The following SLC8A2 variants were observed in gnomAD, a reference collection of about 807,000 sequenced individuals.
SLC8A2 encodes sodium/calcium exchanger 2.
Under a neutral mutation model 70.2 loss-of-function variants are expected in SLC8A2, and 14 were observed. The observed-to-expected ratio is 0.20, with a 90% confidence interval of 0.13 to 0.31. The LOEUF (loss-of-function observed/expected upper bound fraction) is 0.31. Ranked by LOEUF, SLC8A2 falls within the 10% of genes least tolerant of loss-of-function variation. The pLI, the probability that SLC8A2 is intolerant of heterozygous loss-of-function variation, is 1.00. For synonymous variants in SLC8A2, 575 were observed against 594.3 expected, an observed-to-expected ratio of 0.97 and a Z score of 0.47; for missense variants, 779 against 1,320.1, an observed-to-expected ratio of 0.59 and a Z score of 6.35.
intron 4 of SLC8A2, among the ~76,000 whole-genome samples, chr19:47,443,315 A>G (rs904546416): frequency 3.3e-5 from 5 of 152,176 alleles, no homozygotes; most frequent in Admixed American, 1.3e-4. Context: ...AAACAGCCAG[A>G]AGTTACCTGT....
chr19:47,438,711 A>G (rs114966286), intron 6 of SLC8A2, among the ~76,000 whole-genome samples: 284 of 152,240 alleles, frequency 1.9e-3, no homozygotes, highest in African/African-American at 6.5e-3. Context: ...CCCAACCCTC[A>G]GCCCTGGATC....
rs751102582 is a variant in SLC8A2, at chr19:47,466,251, C to G, written c.153G>C (p.Pro51=). The change falls in exon 2 of 10, where the codon CCG becomes CCC. Residue 51 remains proline (P), a synonymous_variant. Coordinates refer to ENST00000236877, the MANE Select transcript of SLC8A2 (RefSeq NM_015063.3). The surrounding 1 kb of genome is among the most constrained non-coding windows in gnomAD (Gnocchi z 6.9). ...GCTCCCACACGGGCAGCAGCACCCC[C>G]GGCTGGCAGCGGTAGGACCCCTGGC... The part of the protein sequence containing the change: ...GGCQGSYRCQ[P]GVLLPVWEPD... 1.9e-6 allele frequency: 3 copies of G among 1,593,434 alleles called. 1 individual carries two copies. In the South Asian group the frequency reaches 3.4e-5, roughly 18 times the overall value.
In SLC8A2 at chr19:47,447,556, G is replaced by T; in HGVS notation, c.1763+253C>A. The T allele has an allele frequency of 2.1e-6, 1 of 471,964 alleles. No individual in the cohort carries two copies. Among genetic ancestry groups the T allele is most frequent in the Non-Finnish European group, 3.7e-6 (1 of 267,168 alleles). 29.2% of individuals were successfully genotyped at this position (471,964 alleles called of 1,614,324 possible). A position where few individuals can be genotyped will look rare whatever the true frequency, so the allele number is the denominator to read the frequency against. The stretch of plus-strand genomic sequence containing the variant: ...CCCTCCCGAGGCCAAGCCCACTTTG[G>T]AGAACGATTCACTCAGGCCCCTCTC... On this transcript the variant is annotated intron_variant, in intron 4 of 9. Transcript: ENST00000236877. This position sits in a 1 kb window ranked among gnomAD's most constrained non-coding sequence, Gnocchi z 5.1.
rs753042183 is a variant in SLC8A2 at position 47,447,861 on chromosome 19, C to T, written c.1711G>A (p.Val571Met). 9 of 1,592,796 alleles carry T rather than the reference C, an allele frequency of 5.7e-6. No individual in the cohort carries two copies. In the East Asian group the frequency reaches 1.6e-4, roughly 28 times the overall value. ...TVDGTARGGG[V>M]HYEDACGELE... Reference sequence around the variant, plus strand: ...TCTCCGCACGCGTCCTCGTAGTGCACGCCGCCGCCGCGCGCCGTGCCGTCC... The same window carrying T: ...TCTCCGCACGCGTCCTCGTAGTGCATGCCGCCGCCGCGCGCCGTGCCGTCC... The change falls in exon 4 of 10, where the codon GTG becomes ATG. Residue 571 changes from valine (V) to methionine (M), a missense_variant. By Grantham distance (21) the Val-to-Met change is conservative. This residue lies in a region of SLC8A2 where 247 missense variants were observed against 362.8 expected (regional missense o/e 0.68). Transcript: ENST00000236877. The surrounding 1 kb of genome is among the most constrained non-coding windows in gnomAD (Gnocchi z 5.1).
chr19:47,466,512 A>G lies in SLC8A2; in HGVS notation c.-16-93T>C. 1 of 584,416 alleles carries G rather than the reference A, an allele frequency of 1.7e-6. No individual in the cohort carries two copies. The highest frequency in any genetic ancestry group is 1.9e-5 in the African/African-American group (1 of 53,640). The allele number at this position is 584,416 out of a possible 1,614,324, so 36.2% of individuals were successfully genotyped here. A position where few individuals can be genotyped will look rare whatever the true frequency, so the allele number is the denominator to read the frequency against. ...CTCACTGGGGAAGGAGGGTTGGGGG[A>G]GAAGCTGAGGACCAATGCAGGCAGG... On this transcript the variant is annotated intron_variant, in intron 1 of 9. Transcript: ENST00000236877. This position sits in a 1 kb window ranked among gnomAD's most constrained non-coding sequence, Gnocchi z 6.9.
intron 4 of SLC8A2, among the ~76,000 whole-genome samples, chr19:47,445,466 C>T (rs921601430): frequency 6.6e-6 from 1 of 152,094 alleles, no homozygotes; most frequent in South Asian, 2.1e-4. Flanking sequence ...TTTCTCTCTC[C>T]AGTTCTGTTA....
Position 47,447,468 on chromosome 19 carries a change from T to A in SLC8A2, c.1763+341A>T. On this transcript the variant is annotated intron_variant, in intron 4 of 9. Transcript: ENST00000236877. The surrounding 1 kb of genome is among the most constrained non-coding windows in gnomAD (Gnocchi z 5.1). ...CACCCTTCTAGGCCTCGCCTCTTCA[T>A]TTCACAGTCACAACCCCACCAGGCC... 1 of 351,816 alleles carries A rather than the reference T, an allele frequency of 2.8e-6. No individual in the cohort carries two copies. The highest frequency in any genetic ancestry group is 5.2e-6 in the Non-Finnish European group (1 of 191,216). 21.8% of individuals were successfully genotyped at this position (351,816 alleles called of 1,614,324 possible). A position where few individuals can be genotyped will look rare whatever the true frequency, so the allele number is the denominator to read the frequency against.
intron 3 of SLC8A2, among the ~76,000 whole-genome samples, chr19:47,451,484 CT>C (rs1003638102): frequency 6.6e-6 from 1 of 151,448 alleles, no homozygotes; most frequent in African/African-American, 2.4e-5. Context: ...AATTTTTATA[CT>C]TTTGGTAGAC....
chr19:47,461,440 C>T (rs1490818711), intron 2 of SLC8A2, among the ~76,000 whole-genome samples: 1 of 152,078 alleles, frequency 6.6e-6, no homozygotes, highest in Admixed American at 6.6e-5. Context: ...ATCTAGGAGG[C>T]GGAGGTTGCA....
intron 4 of SLC8A2, among the ~76,000 whole-genome samples, chr19:47,442,656 T>C (rs1372871511): frequency 6.6e-6 from 1 of 152,174 alleles, no homozygotes; most frequent in Non-Finnish European, 1.5e-5. Context: ...CACTCCCTTA[T>C]ACTGCTCTGT....
At position 47,447,832 on chromosome 19, in the gene SLC8A2, C is replaced by T; in HGVS notation, c.1740G>A (p.Leu580=). 6.3e-7 allele frequency: 1 copy of T among 1,593,690 alleles called. No individual in the cohort carries two copies. Among genetic ancestry groups the T allele is most frequent in the Non-Finnish European group, 8.5e-7 (1 of 1,176,286 alleles). ...GVHYEDACGE[L]EFGDDETMKT... Reference sequence around the variant, plus strand: ...ACATGGTCTCGTCGTCGCCAAACTCCAGCTCTCCGCACGCGTCCTCGTAGT... The same window carrying T: ...ACATGGTCTCGTCGTCGCCAAACTCTAGCTCTCCGCACGCGTCCTCGTAGT... The change falls in exon 4 of 10, where the codon CTG becomes CTA. Residue 580 remains leucine (L), a synonymous_variant. Coordinates refer to ENST00000236877, the MANE Select transcript of SLC8A2 (RefSeq NM_015063.3). This position sits in a 1 kb window ranked among gnomAD's most constrained non-coding sequence, Gnocchi z 5.1.
At chr19:47,455,152 GTGAGA>G (rs1419057813) in intron 3 of SLC8A2, among the ~76,000 whole-genome samples, 1 of 152,004 alleles carries the variant, frequency 6.6e-6, no homozygotes, top group Non-Finnish European at 1.5e-5. Context: ...GAGAGAAGAG[GTGAGA>G]GGAGAGGAGA....
In SLC8A2 at chr19:47,448,276, A is replaced by G; in HGVS notation, c.1341-45T>C. 6.7e-7 allele frequency: 1 copy of G among 1,488,860 alleles called. No individual in the cohort carries two copies. The highest frequency in any genetic ancestry group is 1.2e-5 in the South Asian group (1 of 80,718). The allele number at this position is 1,488,860 out of a possible 1,614,324, so 92.2% of individuals were successfully genotyped here. A position where few individuals can be genotyped will look rare whatever the true frequency, so the allele number is the denominator to read the frequency against. On this transcript the variant is annotated intron_variant, in intron 3 of 9. Transcript: ENST00000236877. The surrounding 1 kb of genome is among the most constrained non-coding windows in gnomAD (Gnocchi z 4.8). ...GGGAAGAGCGGGGTGAGGGTCGGTC[A>G]TCGGCTGTGTGTTGTACGGGGGGAG...
chr19:47,429,775 C>G lies in SLC8A2; in HGVS notation c.*314G>C. On this transcript the variant is annotated 3_prime_UTR_variant, in exon 10 of 10. Coordinates refer to ENST00000236877, the MANE Select transcript of SLC8A2 (RefSeq NM_015063.3). ...GACCTTAAACTCCCCAGGATGGTTA[C>G]TGGGGGTGGTTCCCTGGGGAGGGGA... 2.3e-6 allele frequency: 1 copy of G among 429,456 alleles called. No homozygotes were observed. The highest frequency in any genetic ancestry group is 4.2e-6 in the Non-Finnish European group (1 of 239,362). The allele number at this position is 429,456 out of a possible 1,614,324, so 26.6% of individuals were successfully genotyped here.
chr19:47,438,009 G>T (rs758074594), intron 6 of SLC8A2, 36 bp from the exon 7 acceptor site: 2 of 1,613,020 alleles, frequency 1.2e-6, no homozygotes, highest in South Asian at 2.2e-5. Context: ...ACTCCTGGGA[G>T]ACCTACCTAA....
intron 2 of SLC8A2, among the ~76,000 whole-genome samples, chr19:47,461,834 G>A (rs1967399030): frequency 1.3e-5 from 2 of 152,134 alleles, no homozygotes; most frequent in South Asian, 4.1e-4. Context: ...AGTGATTCTA[G>A]CCGATTCACA....
In SLC8A2 at chr19:47,448,308, C is replaced by T; in HGVS notation, c.1341-77G>A. The T allele has an allele frequency of 2.6e-6, 3 of 1,163,176 alleles. No individual in the cohort carries two copies. Among genetic ancestry groups the T allele is most frequent in the South Asian group, 1.4e-5 (1 of 69,756 alleles). 72.1% of individuals were successfully genotyped at this position (1,163,176 alleles called of 1,614,324 possible). On this transcript the variant is annotated intron_variant, in intron 3 of 9. Transcript: ENST00000236877. This position sits in a 1 kb window ranked among gnomAD's most constrained non-coding sequence, Gnocchi z 4.8. ...GTGTGTTGTACGGGGGGAGTCTGGACGTGCTTCCCAGAGGAGACGTAGGTG... is the reference window on the plus strand; with the variant it reads ...GTGTGTTGTACGGGGGGAGTCTGGATGTGCTTCCCAGAGGAGACGTAGGTG...
In SLC8A2 at chr19:47,447,797, G is replaced by A; in HGVS notation, c.1763+12C>T. ...GCCCCGCCCCTCTCCGGGCCGCCTC[G>A]GGCGTGCTCACATGGTCTCGTCGTC... is the stretch of plus-strand genomic sequence containing the variant. On this transcript the variant is annotated intron_variant, in intron 4 of 9. Transcript: ENST00000236877. The surrounding 1 kb of genome is among the most constrained non-coding windows in gnomAD (Gnocchi z 5.1). The A allele has an allele frequency of 1.3e-6, 2 of 1,575,870 alleles. No homozygotes were observed. Among genetic ancestry groups the A allele is most frequent in the Non-Finnish European group, 1.7e-6 (2 of 1,170,984 alleles).
intron 3 of SLC8A2, among the ~76,000 whole-genome samples, chr19:47,456,627 C>T (rs910809201): frequency 1.3e-5 from 2 of 152,220 alleles, no homozygotes; most frequent in Non-Finnish European, 2.9e-5. Flanking sequence ...GATCTTGCCA[C>T]TCACTCCAGC....
Sources: gnomAD v4.1 joint callset for allele counts (sites outside exome capture counted in the v4.1 genomes callset) on GRCh38, gnomAD v4.1.1 for gene constraint, gnomAD v4.1.1 regional missense constraint, Gnocchi (gnomAD v3.1) non-coding constraint, MANE v1.5 for transcripts, NCBI Gene and HGNC (gene_info 2026-07-23, HGNC 2026-07-21) for gene names.